ARFGAP2: variants seen among roughly 807,000 people sequenced by gnomAD.
ARFGAP2 encodes ADP-ribosylation factor GTPase-activating protein 2.
A neutral mutation model predicts 71.9 loss-of-function variants in ARFGAP2; 45 were observed. The observed-to-expected ratio is 0.63, with a 90% CI of 0.49 to 0.80. ARFGAP2 has a LOEUF of 0.80. Among genes scored for constraint, ARFGAP2 ranks in the 30% least tolerant of loss-of-function variants. ARFGAP2 has a pLI of 0.00. For synonymous variants in ARFGAP2, 248 were observed against 249.2 expected (o/e 1.00, Z 0.05); for missense variants, 633 against 673.9 (o/e 0.94, Z 0.67).
intron 3 of ARFGAP2, chr11:47,175,613 T>G (rs1344798236): frequency 3.2e-6 from 2 of 623,120 alleles, no homozygotes; most frequent in Non-Finnish European, 5.5e-6. Flanking sequence ...CCAATGACTG[T>G]GAAGGCTCCC....
At chr11:47,174,587 G>C (rs1320676470) in intron 5 of ARFGAP2, 1 of 165,272 alleles carries the variant, frequency 6.1e-6, no homozygotes, top group African/African-American at 2.4e-5. Flanking sequence ...AGTAGAGACG[G>C]GGTTTCACCT....
In ARFGAP2 at chr11:47,174,736, T is replaced by G. The variant is rs1031940858; in HGVS notation, c.480+279A>C. ...TAGGGGAAGAATCCAGGAAAATTTG[T>G]TTGGGGCACCGGACACCTCTTGAAA... On this transcript the variant is annotated intron_variant, in intron 5 of 15. Transcript: ENST00000524782. The G allele has an allele frequency of 1.6e-5, 6 of 365,676 alleles. No individual in the cohort carries two copies. In the Admixed American group the frequency reaches 2.6e-4, roughly 16 times the overall value. The allele number at this position is 365,676 out of a possible 1,614,324, so 22.7% of individuals were successfully genotyped here.
Position 47,165,298 on chromosome 11 carries a change from G to A in ARFGAP2, c.*184C>T, listed in dbSNP as rs772278957. 58 of 590,640 alleles carry A rather than the reference G, an allele frequency of 9.8e-5. No individual in the cohort carries two copies. The highest frequency in any genetic ancestry group is 1.5e-4 in the Non-Finnish European group (55 of 361,110). 36.6% of individuals were successfully genotyped at this position (590,640 alleles called of 1,614,324 possible). ...TAAAGGGCTCAGTCCACAGGCAGAG[G>A]ACAAGGGCTGGTACTGACCATTCCC... is the stretch of plus-strand genomic sequence containing the variant. On this transcript the variant is annotated 3_prime_UTR_variant, in exon 16 of 16. Coordinates refer to ENST00000524782, the MANE Select transcript of ARFGAP2 (RefSeq NM_032389.6).
At position 47,167,024 on chromosome 11, in the gene ARFGAP2, G is replaced by A. The variant is rs1163048699; in HGVS notation, c.1206-138C>T. The A allele has an allele frequency of 3.4e-6, 4 of 1,174,358 alleles. No individual in the cohort carries two copies. In the Admixed American group the frequency reaches 9.3e-5, roughly 27 times the overall value. 72.7% of individuals were successfully genotyped at this position (1,174,358 alleles called of 1,614,324 possible). A position where few individuals can be genotyped will look rare whatever the true frequency, so the allele number is the denominator to read the frequency against. On this transcript the variant is annotated intron_variant, in intron 12 of 15. Transcript: ENST00000524782. ...ATTCTGTCTGTGGCTCTGTGGCTCT[G>A]GGCCCCTCTCCCCTGGTGAGGAGTC...
intron 3 of ARFGAP2, chr11:47,175,543 C>T (rs1952774176): frequency 1.5e-6 from 1 of 671,482 alleles, no homozygotes; most frequent in Non-Finnish European, 2.5e-6. Context: ...TGAACGCTGC[C>T]TGAGCACAAC....
chr11:47,172,203 T>C, intron 8 of ARFGAP2, 78 bp downstream of exon 8: 1 of 1,394,422 alleles, frequency 7.2e-7, no homozygotes, highest in Non-Finnish European at 1.0e-6. Flanking sequence ...AGCTGGTAAG[T>C]GGTAAGGTCA....
In ARFGAP2 at chr11:47,172,368, A is replaced by T. The variant is rs200134756; in HGVS notation, c.620-35T>A. 1.1e-4 allele frequency: 185 copies of T among 1,611,736 alleles called. No individual in the cohort carries two copies. In the African/African-American group the frequency reaches 2.1e-3, roughly 18 times the overall value. ...AAACGGGTAGGCATGAGCTAAGACA[A>T]AGGCAGCTCAGAGGCAGTAGCTCAG... On this transcript the variant is annotated intron_variant, in intron 7 of 15. Transcript: ENST00000524782.
In ARFGAP2 at chr11:47,165,236, C is replaced by T. The variant is rs960697105; in HGVS notation, c.*246G>A. On this transcript the variant is annotated 3_prime_UTR_variant, in exon 16 of 16. Transcript: ENST00000524782. ...CAGCTGTGGGGGCAGGACAGAAGGA[C>T]AAGAGTCTAACACACGGAGGGTGGT... 9.8e-6 allele frequency: 4 copies of T among 406,880 alleles called. No individual in the cohort carries two copies. The highest frequency in any genetic ancestry group is 2.1e-5 in the African/African-American group (1 of 48,666). 25.2% of individuals were successfully genotyped at this position (406,880 alleles called of 1,614,324 possible).
At chr11:47,173,538 C>G in intron 6 of ARFGAP2, 56 bp from the exon 7 acceptor site, 1 of 1,512,458 alleles carries the variant, frequency 6.6e-7, no homozygotes, top group Non-Finnish European at 8.9e-7. Flanking sequence ...GCAACCTCCC[C>G]TTGAAAGAAG....
In ARFGAP2 at chr11:47,173,393, A is replaced by G. The variant is rs753486939; in HGVS notation, c.619+33T>C. 9 of 1,551,572 alleles carry G rather than the reference A, an allele frequency of 5.8e-6. No homozygotes were observed. In the Admixed American group the frequency reaches 1.4e-4, roughly 24 times the overall value. On this transcript the variant is annotated intron_variant, in intron 7 of 15. Transcript: ENST00000524782. ...GAACATTTGAGGTCCACCCTCTCCC[A>G]GACACCCCACGCCTGCCCGCTGGCA...
At chr11:47,168,548 T>C (rs887507356) in intron 10 of ARFGAP2, 2 of 243,842 alleles carry the variant, frequency 8.2e-6, no homozygotes, top group African/African-American at 4.5e-5. Flanking sequence ...TGAGACAGAT[T>C]CTCACTCTGT....
In ARFGAP2 at chr11:47,165,468, T is replaced by A; in HGVS notation, c.*14A>T. ...TTGCCGTCACCATCGTAAGCCTGAG[T>A]CACAGAGCTCGGATCAGTAGGAACC... is the stretch of plus-strand genomic sequence containing the variant. On this transcript the variant is annotated 3_prime_UTR_variant, in exon 16 of 16. Transcript: ENST00000524782. 6.4e-7 allele frequency: 1 copy of A among 1,563,278 alleles called. No homozygotes were observed. The highest frequency in any genetic ancestry group is 8.7e-7 in the Non-Finnish European group (1 of 1,154,098).
chr11:47,176,708 A>G (rs1952846181), intron 1 of ARFGAP2, 74 bp from the exon 2 acceptor site: 1 of 1,611,024 alleles, frequency 6.2e-7, no homozygotes, highest in East Asian at 2.2e-5. Flanking sequence ...CCAGAAACAT[A>G]ACCCACCTCC....
intron 15 of ARFGAP2, 36 bp downstream of exon 15, chr11:47,166,232 C>T: frequency 1.2e-6 from 2 of 1,607,178 alleles, no homozygotes; most frequent in Non-Finnish European, 1.7e-6. Flanking sequence ...GGGCAAACCT[C>T]CCAGCACTCC....
Position 47,168,028 on chromosome 11 carries a change from G to A in ARFGAP2, c.1086C>T (p.Pro362=), listed in dbSNP as rs1169451714. 4 of 1,614,222 alleles carry A rather than the reference G, an allele frequency of 2.5e-6. No homozygotes were observed. The highest frequency in any genetic ancestry group is 3.3e-5 in the Admixed American group (2 of 60,018). Residue 362 remains proline (P), a synonymous_variant, in exon 12 of 16, where the codon CCC becomes CCT. Coordinates refer to ENST00000524782, the MANE Select transcript of ARFGAP2 (RefSeq NM_032389.6). ...ASGPPKYKDN[P]FSLGESFGSR... is the part of the protein sequence containing the mutation. The stretch of plus-strand genomic sequence containing the variant: ...AGCCAAAGCTTTCCCCTAAGGAAAA[G>A]GGATTGTCCTTGTACCTAGGGAGAC...
chr11:47,175,186 G>C lies in ARFGAP2; in HGVS notation c.392C>G (p.Thr131Ser), dbSNP rs1952751966. The change falls in exon 4 of 16, where the codon ACT (threonine) becomes AGT (serine). Residue 131 changes from threonine (T) to serine (S), a missense_variant. Physicochemically the swap from Thr to Ser is moderately conservative, Grantham distance 58. Transcript: ENST00000524782. ...LGSAALARHG[T>S]DLWIDNMSSA... ...GCCCCAAGAACAGGCACTTACATCA[G>C]TGCCATGCCTAGCCAGGGCCGCACT... 8 of 1,614,172 alleles carry C rather than the reference G, an allele frequency of 5.0e-6. No individual in the cohort carries two copies. Among genetic ancestry groups the C allele is most frequent in the Non-Finnish European group, 5.9e-6 (7 of 1,180,024 alleles).
rs769598685 is a variant in ARFGAP2, at chr11:47,166,801, T to C, written c.1291A>G (p.Ile431Val). ...ARQKFAGAKAISSDMFFGREV... is the reference protein window; with the variant it reads ...ARQKFAGAKAVSSDMFFGREV... ...CGCCCAAAGAACATGTCAGATGAGA[T>C]GGCTTTGGCTCCTGCGAATTTCTGA... Residue 431 changes from isoleucine to valine, a missense_variant, in exon 13 of 16, where the codon ATC (isoleucine) becomes GTC (valine). By Grantham distance (29) the Ile-to-Val change is conservative. Transcript: ENST00000524782. The C allele has an allele frequency of 6.2e-7, 1 of 1,614,150 alleles. No homozygotes were observed. The highest frequency in any genetic ancestry group is 2.2e-5 in the East Asian group (1 of 44,890).
In ARFGAP2 at chr11:47,172,212, C is replaced by G. The variant is rs950242254; in HGVS notation, c.672+69G>C. 58 of 1,502,724 alleles carry G rather than the reference C, an allele frequency of 3.9e-5. No homozygotes were observed. The African/African-American group carries it at 7.2e-4, about 19-fold the overall frequency. 93.1% of individuals were successfully genotyped at this position (1,502,724 alleles called of 1,614,324 possible). ...TCATATAGCTGGTAAGTGGTAAGGT[C>G]AAGGAGTGAACCCAGGTAGCCTGCA... On this transcript the variant is annotated intron_variant, in intron 8 of 15. Coordinates refer to ENST00000524782, the MANE Select transcript of ARFGAP2 (RefSeq NM_032389.6).
intron 15 of ARFGAP2, 121 bp downstream of exon 15, chr11:47,166,147 C>T: frequency 1.0e-6 from 1 of 992,730 alleles, no homozygotes; most frequent in Non-Finnish European, 1.6e-6. Context: ...CAGGCGTGAG[C>T]CACCACACCC....
Sources: allele counts gnomAD v4.1 joint callset, GRCh38; gene constraint gnomAD v4.1.1; transcripts MANE v1.5; gene names NCBI Gene and HGNC (gene_info 2026-07-23, HGNC 2026-07-21).